N4BP2L2: variants seen among roughly 807,000 people sequenced by gnomAD.
N4BP2L2 encodes NEDD4-binding protein 2-like 2.
In N4BP2L2, 50 loss-of-function variants were observed where a neutral mutation model predicts 56.2. The observed-to-expected ratio is 0.89, with a 90% CI of 0.71 to 1.13. N4BP2L2 has a LOEUF of 1.13. Among genes scored for constraint, N4BP2L2 ranks in the 50% most tolerant of loss-of-function variants. The pLI, the probability that N4BP2L2 is intolerant of heterozygous loss-of-function variation, is 0.00. For synonymous variants in N4BP2L2, 203 were observed against 223.6 expected (o/e 0.91, Z 0.82); for missense variants, 689 against 693.8 (o/e 0.99, Z 0.08).
intron 5 of N4BP2L2, among the ~76,000 whole-genome samples, chr13:32,520,523 G>A (rs889903640): frequency 6.6e-6 from 1 of 151,990 alleles, no homozygotes; most frequent in Admixed American, 6.6e-5. Flanking sequence ...GCCGGGAGTG[G>A]TGGCCAGCAC....
chr13:32,462,563 T>C (rs1199735939), intron 6 of N4BP2L2, among the ~76,000 whole-genome samples: 1 of 152,028 alleles, frequency 6.6e-6, no homozygotes, highest in Non-Finnish European at 1.5e-5. Context: ...GTAGGGTGAC[T>C]ATATAGTTAA....
At chr13:32,511,997 T>A (rs1189215497) in exon 6 of N4BP2L2, 1 of 152,162 alleles carries the variant, frequency 6.6e-6, no homozygotes, top group Non-Finnish European at 1.5e-5. Flanking sequence ...GAAAGCTGTA[T>A]AATTATTATA....
intron 6 of N4BP2L2, among the ~76,000 whole-genome samples, chr13:32,500,931 T>C (rs1433508578): frequency 2.0e-5 from 3 of 149,330 alleles, no homozygotes; most frequent in Non-Finnish European, 4.4e-5. Flanking sequence ...TTCAATGGCA[T>C]GATCTTGGCT....
chr13:32,534,823 C>T (rs1251782640), intron 2 of N4BP2L2, among the ~76,000 whole-genome samples: 3 of 152,178 alleles, frequency 2.0e-5, no homozygotes, highest in Non-Finnish European at 4.4e-5. Context: ...CCTTGTCCGG[C>T]ACAAATCTTG....
At chr13:32,484,765 G>A (rs566245879) in intron 6 of N4BP2L2, among the ~76,000 whole-genome samples, 1 of 152,306 alleles carries the variant, frequency 6.6e-6, no homozygotes, top group South Asian at 2.1e-4. Flanking sequence ...GAAAACAGGT[G>A]TGAGCCACCA....
In N4BP2L2 at chr13:32,538,613, C is replaced by T. The variant is rs1298032817; in HGVS notation, c.-1+5G>A. The T allele has an allele frequency of 1.0e-6, 1 of 985,310 alleles. No homozygotes were observed. Among genetic ancestry groups the T allele is most frequent in the Non-Finnish European group, 1.2e-6 (1 of 829,930 alleles). 61.0% of individuals were successfully genotyped at this position (985,310 alleles called of 1,614,324 possible). The stretch of plus-strand genomic sequence containing the variant: ...ACCCTCACCTAAAACGGGGTGTCTA[C>T]TCACCTTACTCTACCCCTACGCATT... On this transcript the variant is annotated splice_donor_5th_base_variant and intron_variant, in intron 1 of 5. Coordinates refer to ENST00000267068, the Ensembl canonical transcript of N4BP2L2.
chr13:32,484,433 T>C (rs1210009841), intron 6 of N4BP2L2, among the ~76,000 whole-genome samples: 1 of 152,204 alleles, frequency 6.6e-6, no homozygotes, highest in East Asian at 1.9e-4. Context: ...AGCTAAAGGT[T>C]TTTCATCTTT....
At chr13:32,441,184 A>C (rs1319274603) in intron 7 of N4BP2L2, among the ~76,000 whole-genome samples, 2 of 152,168 alleles carry the variant, frequency 1.3e-5, no homozygotes, top group African/African-American at 4.8e-5. Flanking sequence ...AGCCTGAAGG[A>C]AGCTTTTAAG....
intron 6 of N4BP2L2, among the ~76,000 whole-genome samples, chr13:32,447,394 C>G (rs1039716667): frequency 1.3e-5 from 2 of 152,130 alleles, no homozygotes; most frequent in African/African-American, 4.8e-5. Flanking sequence ...AGTGACTCCT[C>G]CTGGAGTTAA....
chr13:32,504,320 G>A (rs1316581859), intron 6 of N4BP2L2, among the ~76,000 whole-genome samples: 2 of 152,166 alleles, frequency 1.3e-5, no homozygotes, highest in Non-Finnish European at 2.9e-5. Context: ...ACTTCTGAAG[G>A]CTAGATGTCC....
chr13:32,483,345 C>T (rs949134796), intron 6 of N4BP2L2, among the ~76,000 whole-genome samples: 3 of 152,126 alleles, frequency 2.0e-5, no homozygotes, highest in Middle Eastern at 3.2e-3. Flanking sequence ...AAGAAAAAAA[C>T]GCAGGTGGCC....
intron 4 of N4BP2L2, 108 bp from the exon 5 acceptor site, chr13:32,521,557 C>A: frequency 1.5e-6 from 1 of 686,086 alleles, no homozygotes; most frequent in South Asian, 1.9e-5. Flanking sequence ...CTTGCTCGAC[C>A]AAGAAAAATG....
intron 6 of N4BP2L2, among the ~76,000 whole-genome samples, chr13:32,466,004 G>T (rs2081170492): frequency 6.6e-6 from 1 of 152,046 alleles, no homozygotes; most frequent in Non-Finnish European, 1.5e-5. Context: ...TTTTCAATAT[G>T]CTGGTTGCAA....
chr13:32,497,520 G>GT (rs1462730042), intron 6 of N4BP2L2, among the ~76,000 whole-genome samples: 1 of 152,136 alleles, frequency 6.6e-6, no homozygotes, highest in Non-Finnish European at 1.5e-5. Flanking sequence ...CAAATCCTTT[G>GT]TAACCCTCTG....
At chr13:32,492,273 A>ATTTTTTTTTTTTTT (rs72053635) in intron 6 of N4BP2L2, among the ~76,000 whole-genome samples, 4 of 72,128 alleles carry the variant, frequency 5.5e-5, no homozygotes, top group African/African-American at 1.7e-4. Context: ...AAACACCAAA[A>ATTTTTTTTTTTTTT]TTTTTTTTTT....
chr13:32,529,301 T>C (rs2053966254), intron 2 of N4BP2L2, among the ~76,000 whole-genome samples: 1 of 152,348 alleles, frequency 6.6e-6, no homozygotes, highest in African/African-American at 2.4e-5. Context: ...AAACTGTGAT[T>C]ACTTTTGCAC....
chr13:32,445,250 GAATAAATAAATA>G (rs35170916), intron 6 of N4BP2L2, among the ~76,000 whole-genome samples: 8 of 150,460 alleles, frequency 5.3e-5, no homozygotes, highest in Non-Finnish European at 7.4e-5. Context: ...GACTCCAACT[GAATAAATAAATA>G]AATAAATAAA....
intron 3 of N4BP2L2, among the ~76,000 whole-genome samples, chr13:32,526,177 A>G (rs1456753400): frequency 6.6e-6 from 1 of 152,240 alleles, no homozygotes; most frequent in Non-Finnish European, 1.5e-5. Context: ...TTTCTACAGG[A>G]CAAACAACAT....
At chr13:32,522,769 A>G (rs2051349640) in intron 3 of N4BP2L2, 1 of 152,246 alleles carries the variant, frequency 6.6e-6, no homozygotes, top group Non-Finnish European at 1.5e-5. Context: ...GGTCGCCTGT[A>G]GGTGGTAAGA....
Sources: allele counts gnomAD v4.1 joint callset (sites outside exome capture counted in the v4.1 genomes callset), GRCh38; gene constraint gnomAD v4.1.1; transcripts MANE v1.5; gene names NCBI Gene and HGNC (gene_info 2026-07-23, HGNC 2026-07-21).